Variants in NWD1 observed in about 807,000 individuals in gnomAD.
NWD1 encodes NACHT domain- and WD repeat-containing protein 1.
NWD1 carries 129 observed loss-of-function variants against 135.1 expected under a neutral mutation model. The observed-to-expected ratio is 0.96, with a 90% CI of 0.83 to 1.11. The LOEUF (loss-of-function observed/expected upper bound fraction) is 1.11. NWD1 is among the 50% of genes least tolerant of loss of function. The pLI is 0.00. For synonymous variants in NWD1, 773 were observed against 786.0 expected, an observed-to-expected ratio of 0.98 and a Z score of 0.28; for missense variants, 1,740 against 1,851.3, an observed-to-expected ratio of 0.94 and a Z score of 1.10.
chr19:16,751,813 A>G (rs1968590941), intron 6 of NWD1, among the ~76,000 whole-genome samples: 1 of 148,494 alleles, frequency 6.7e-6, no homozygotes, highest in Non-Finnish European at 1.5e-5. Context: ...AAAGAAAGAG[A>G]AAGAGAAGGA....
At chr19:16,809,330 TC>T (rs1970851118) in intron 18 of NWD1, among the ~76,000 whole-genome samples, 1 of 151,990 alleles carries the variant, frequency 6.6e-6, no homozygotes, top group Non-Finnish European at 1.5e-5. Context: ...TGCCTTGGCC[TC>T]CCAAAGTGCT....
intron 17 of NWD1, chr19:16,801,741 A>C (rs1970608137): frequency 6.6e-6 from 1 of 152,252 alleles, no homozygotes; most frequent in Admixed American, 6.6e-5. Flanking sequence ...TAAAAAAAGA[A>C]ATTTAATCCC....
chr19:16,763,372 C>G (rs530410830), intron 8 of NWD1, among the ~76,000 whole-genome samples: 1 of 152,146 alleles, frequency 6.6e-6, no homozygotes, highest in Non-Finnish European at 1.5e-5. Flanking sequence ...TCAGTGCCTT[C>G]GTGATCTGCT....
rs373811297 is a variant in NWD1, at chr19:16,749,158, G to A, written c.516G>A (p.Glu172=). 2 of 1,607,086 alleles carry A rather than the reference G, an allele frequency of 1.2e-6. No homozygotes were observed. The highest frequency in any genetic ancestry group is 3.4e-5 in the Admixed American group (2 of 59,142). Residue 172 remains glutamate, a synonymous_variant, in exon 6 of 19, where the codon GAG becomes GAA. Coordinates refer to ENST00000524140, the MANE Select transcript of NWD1 (RefSeq NM_001007525.5). ...TGGCAGTCATTGAGTGGGAGATAGA[G>A]CGGAGCCTGCTGAGCTCAGAGGACC... ...YHRSVIEWEI[E]RSLLSSEDRE...
At position 16,749,224 on chromosome 19, in the gene NWD1, C is replaced by T; in HGVS notation, c.582C>T (p.Asp194=). ...GATVFLREIQ[D]LHKHILEDCA... ...CCGTCTTCCTTAGAGAGATCCAAGA[C>T]CTCCACAAACACATCCTTGAAGACT... Residue 194 remains aspartate (D), a synonymous_variant, in exon 6 of 19, where the codon GAC becomes GAT. Transcript: ENST00000524140. The T allele has an allele frequency of 6.2e-7, 1 of 1,614,118 alleles. No homozygotes were observed. The highest frequency in any genetic ancestry group is 1.1e-5 in the South Asian group (1 of 91,082).
intron 4 of NWD1, among the ~76,000 whole-genome samples, chr19:16,743,362 C>T (rs1033607277): frequency 1.3e-5 from 2 of 152,074 alleles, no homozygotes; most frequent in Non-Finnish European, 2.9e-5. Flanking sequence ...AGATGCACAC[C>T]CCCACACCCT....
intron 3 of NWD1, among the ~76,000 whole-genome samples, chr19:16,734,729 C>A (rs1033248689): frequency 8.2e-6 from 1 of 122,464 alleles, no homozygotes; most frequent in Non-Finnish European, 1.7e-5. Context: ...CACCACTACA[C>A]CTGGCTATTT....
chr19:16,759,003 CAAAAAAAA>C (rs58283462), intron 6 of NWD1, among the ~76,000 whole-genome samples: 5 of 74,928 alleles, frequency 6.7e-5, no homozygotes, highest in Admixed American at 1.8e-4. Flanking sequence ...AACTCTGTCT[CAAAAAAAA>C]AAAAAAAAAA....
intron 2 of NWD1, chr19:16,727,495 GTGAGGTCTC>G (rs900363886): frequency 6.6e-6 from 1 of 152,642 alleles, no homozygotes; most frequent in African/African-American, 2.4e-5. Flanking sequence ...GGCTGCTGGC[GTGAGGTCTC>G]TGAGCCCCAC....
At chr19:16,755,817 C>T (rs1313991970) in intron 6 of NWD1, among the ~76,000 whole-genome samples, 3 of 152,026 alleles carry the variant, frequency 2.0e-5, no homozygotes, top group Non-Finnish European at 2.9e-5. Context: ...GGATTACAGG[C>T]GTGAGCCACC....
rs147054413 is a variant in NWD1 at position 16,750,348 on chromosome 19, G to A, written c.1706G>A (p.Arg569His). ...GAAGCCACGCACCAACTCTGCACCC[G>A]CCTGGAGCAGACACACGGGCAGCTC... is the stretch of plus-strand genomic sequence containing the variant. ...AEEATHQLCT[R>H]LEQTHGQLLV... Residue 569 changes from arginine to histidine, a missense_variant, in exon 6 of 19, where the codon CGC becomes CAC. Physicochemically the swap from Arg to His is conservative, Grantham distance 29. Transcript: ENST00000524140. 2.2e-5 allele frequency: 35 copies of A among 1,610,980 alleles called. No individual in the cohort carries two copies. The highest frequency in any genetic ancestry group is 1.7e-4 in the African/African-American group (13 of 74,912).
chr19:16,787,866 G>GTAATAATAAAAA lies in NWD1; in HGVS notation c.2732-1107_2732-1106insAAATAATAATAA, dbSNP rs1229798018. On this transcript the variant is annotated intron_variant, in intron 12 of 18. Coordinates refer to ENST00000524140, the MANE Select transcript of NWD1 (RefSeq NM_001007525.5). ...CAGAGCAAGACTCCATCTCAAAATAGTAATAATAACAATAATAATAATAAT... is the reference window on the plus strand; with the variant it reads ...CAGAGCAAGACTCCATCTCAAAATAGTAATAATAAAAATAATAATAACAATAATAATAATAAT... Among the ~76,000 whole-genome samples the GTAATAATAAAAA allele has an allele frequency of 3.1e-5, 4 of 127,400 alleles. 1 individual carries two copies. Among genetic ancestry groups the GTAATAATAAAAA allele is most frequent in the Admixed American group, 9.4e-5 (1 of 10,594 alleles). 83.6% of individuals were successfully genotyped at this position (127,400 alleles called of 152,430 possible).
At chr19:16,806,689 C>T (rs528613035) in intron 17 of NWD1, among the ~76,000 whole-genome samples, 34 of 151,492 alleles carry the variant, frequency 2.2e-4, no homozygotes, top group Admixed American at 5.3e-4. Flanking sequence ...CCAGCCCGGG[C>T]AACAGAGTGA....
At chr19:16,778,791 T>C (rs796482) in intron 11 of NWD1, among the ~76,000 whole-genome samples, 152,295 of 152,326 alleles carry the variant, frequency 1, 76,132 homozygotes, top group Middle Eastern at 1. Flanking sequence ...CCCAAAGTAT[T>C]GGCCTCCCAC....
In NWD1 at chr19:16,744,551, G is replaced by A. The variant is rs55976634; in HGVS notation, c.329G>A (p.Arg110Lys). The change falls in exon 5 of 19, where the codon AGG becomes AAG. Residue 110 changes from arginine to lysine, a missense_variant. Transcript: ENST00000524140. ...DLELVARYFQ[R>K]DENAFPPTYV... ...GAGCTGGTGGCACGATACTTCCAGA[G>A]GGACGAGAATGCGTTTCCTCCCACC... 1,501 of 1,535,920 alleles carry A rather than the reference G, an allele frequency of 9.8e-4. 17 individuals are homozygous for A. The African/African-American group carries it at 0.019, about 19-fold the overall frequency.
In NWD1 at chr19:16,736,723, G is replaced by A. The variant is rs1309175535; in HGVS notation, c.171G>A (p.Trp57Ter). 1 of 1,535,848 alleles carries A rather than the reference G, an allele frequency of 6.5e-7. No homozygotes were observed. Among genetic ancestry groups the A allele is most frequent in the Non-Finnish European group, 8.7e-7 (1 of 1,146,360 alleles). Residue 57 changes from tryptophan (W) to a stop codon, truncating the protein, a stop_gained, in exon 4 of 19, where the codon TGG becomes TGA. Coordinates refer to ENST00000524140, the MANE Select transcript of NWD1 (RefSeq NM_001007525.5). LOFTEE classifies it high-confidence loss of function. ...ELCLEEVDRCWKTSIGPAFVA... is the reference protein window; with the variant it reads ...ELCLEEVDRC ...GCTTGGAGGAGGTTGACCGGTGTTG[G>A]AAAACATCCATAGGGCCAGCTTTTG...
chr19:16,751,853 GA>G (rs538884184), intron 6 of NWD1, among the ~76,000 whole-genome samples: 36 of 112,672 alleles, frequency 3.2e-4, no homozygotes, highest in South Asian at 2.2e-3. Context: ...TAGTAAGAAA[GA>G]AAAAAAAAGA....
intron 17 of NWD1, among the ~76,000 whole-genome samples, chr19:16,800,864 G>C (rs1482016186): frequency 6.6e-6 from 1 of 152,154 alleles, no homozygotes; most frequent in African/African-American, 2.4e-5. Context: ...GCTGGCCATG[G>C]TGGCTTAAAC....
At chr19:16,769,647 C>A (rs550207914) in intron 10 of NWD1, among the ~76,000 whole-genome samples, 1 of 152,138 alleles carries the variant, frequency 6.6e-6, no homozygotes, top group Admixed American at 6.5e-5. Flanking sequence ...TCCAAGCTTG[C>A]GTGCCGGGGG....
Sources: gnomAD v4.1 joint callset for allele counts (sites outside exome capture counted in the v4.1 genomes callset) on GRCh38, gnomAD v4.1.1 for gene constraint, MANE v1.5 for transcripts, NCBI Gene and HGNC (gene_info 2026-07-23, HGNC 2026-07-21) for gene names.